Variants in CFTR observed in about 807,000 individuals in gnomAD.
CFTR encodes the protein cystic fibrosis transmembrane conductance regulator.
CFTR carries 181 observed loss-of-function variants against 171.6 expected under a neutral mutation model. The ratio of observed to expected loss-of-function variants is 1.05; its 90% confidence interval spans 0.93 to 1.19. The LOEUF (loss-of-function observed/expected upper bound fraction) is 1.19. CFTR is among the 50% of genes most tolerant of loss of function. The pLI is 0.00. For synonymous variants in CFTR, 583 were observed against 608.0 expected (o/e 0.96, Z 0.60); for missense variants, 1,968 against 1,734.7 (o/e 1.13, Z -2.39).
At position 117,519,030 on chromosome 7, in the gene CFTR, T is replaced by A. The variant is rs1798645699; in HGVS notation, c.273+9888T>A. 3.9e-5 allele frequency among the ~76,000 whole-genome samples: 6 copies of A among 152,118 alleles called. No individual in the cohort carries two copies. The South Asian group carries it at 1.0e-3, about 26-fold the overall frequency. On this transcript the variant is annotated intron_variant, in intron 3 of 26. Coordinates refer to ENST00000003084, the MANE Select transcript of CFTR (RefSeq NM_000492.4). The stretch of plus-strand genomic sequence containing the variant: ...TCTTATAAAATATGAAGAATATAGC[T>A]TAGATTTCTAGTGAAGATGTTACCA...
Position 117,548,606 on chromosome 7 carries a change from A to ATG in CFTR, c.1210-13_1210-12dup, listed in dbSNP as rs3832534. The ATG allele has an allele frequency of 0.12, 183,630 of 1,511,108 alleles. 4,168 individuals carry two copies. Among genetic ancestry groups the ATG allele is most frequent in the East Asian group, 0.4 (16,478 of 41,540 alleles). 93.6% of individuals were successfully genotyped at this position (1,511,108 alleles called of 1,614,324 possible). ...CTGACAAACTCATCTTTTATTTTTGATGTGTGTGTGTGTGTGTGTGTGTTT... is the reference window on the plus strand; with the variant it reads ...CTGACAAACTCATCTTTTATTTTTGATGTGTGTGTGTGTGTGTGTGTGTGTTT... On this transcript the variant is annotated intron_variant, in intron 9 of 26. Coordinates refer to ENST00000003084, the MANE Select transcript of CFTR (RefSeq NM_000492.4).
chr7:117,650,365 C>G (rs1383394777), intron 23 of CFTR, among the ~76,000 whole-genome samples: 2 of 151,964 alleles, frequency 1.3e-5, no homozygotes, highest in Middle Eastern at 3.2e-3. Context: ...AATGAAGGTA[C>G]CATACACTGA....
intron 23 of CFTR, among the ~76,000 whole-genome samples, chr7:117,644,609 C>T (rs532317066): frequency 1.3e-5 from 2 of 152,088 alleles, no homozygotes; most frequent in Non-Finnish European, 2.9e-5. Flanking sequence ...GAACTTTGAA[C>T]AAGAAATTTC....
intron 12 of CFTR, among the ~76,000 whole-genome samples, chr7:117,588,883 A>G (rs754611335): frequency 1.4e-4 from 21 of 152,126 alleles, no homozygotes; most frequent in Non-Finnish European, 1.9e-4. Context: ...AATACACTGT[A>G]AGGCAATAAA....
intron 5 of CFTR, among the ~76,000 whole-genome samples, chr7:117,534,889 G>A (rs765566408): frequency 6.6e-6 from 1 of 152,166 alleles, no homozygotes; most frequent in Admixed American, 6.5e-5. Flanking sequence ...TCCCTGGAGA[G>A]AGTTCTTTGT....
intron 12 of CFTR, 67 bp from the exon 13 acceptor site, chr7:117,590,286 A>G (rs1792005166): frequency 2.6e-6 from 4 of 1,566,158 alleles, no homozygotes; most frequent in Non-Finnish European, 3.5e-6. Flanking sequence ...TGTTTAAGGC[A>G]AATCATCTAC....
intron 3 of CFTR, among the ~76,000 whole-genome samples, chr7:117,522,109 C>T (rs1798693927): frequency 6.6e-6 from 1 of 152,086 alleles, no homozygotes; most frequent in Non-Finnish European, 1.5e-5. Context: ...AAAATTGTTC[C>T]CACCAGGAAT....
chr7:117,494,807 G>A (rs949542019), intron 1 of CFTR, among the ~76,000 whole-genome samples: 9 of 152,132 alleles, frequency 5.9e-5, no homozygotes, highest in Non-Finnish European at 1.0e-4. Context: ...TATCACTCAT[G>A]TGATTTCTAT....
chr7:117,610,722 T>C (rs751381540), intron 19 of CFTR, 53 bp downstream of exon 19: 389 of 1,586,952 alleles, frequency 2.5e-4, no homozygotes, highest in Non-Finnish European at 3.2e-4. Flanking sequence ...TAAGAGCTAT[T>C]TGAGATTCTT....
chr7:117,576,933 G>C (rs1791778370), intron 11 of CFTR, among the ~76,000 whole-genome samples: 1 of 152,098 alleles, frequency 6.6e-6, no homozygotes, highest in Non-Finnish European at 1.5e-5. Flanking sequence ...GGCTCCCAAA[G>C]CATAGAGCAA....
intron 1 of CFTR, 40 bp downstream of exon 1, chr7:117,480,187 C>G: frequency 6.2e-7 from 1 of 1,602,178 alleles, no homozygotes; most frequent in Non-Finnish European, 8.6e-7. Context: ...AGACACGTGC[C>G]CACGAAAGAG....
intron 1 of CFTR, among the ~76,000 whole-genome samples, chr7:117,487,304 G>A (rs1798090492): frequency 6.6e-6 from 1 of 152,162 alleles, no homozygotes; most frequent in Non-Finnish European, 1.5e-5. Context: ...AGTGTGACCT[G>A]AGAGTGTTAG....
intron 10 of CFTR, among the ~76,000 whole-genome samples, chr7:117,557,610 T>A (rs1799381386): frequency 1.3e-5 from 2 of 152,246 alleles, no homozygotes; most frequent in Admixed American, 1.3e-4. Flanking sequence ...TCTAGCATTA[T>A]AAAGAGCCTT....
chr7:117,482,326 A>C (rs1798010644), intron 1 of CFTR, among the ~76,000 whole-genome samples: 2 of 152,182 alleles, frequency 1.3e-5, no homozygotes, highest in African/African-American at 4.8e-5. Context: ...TATAGATTGT[A>C]TTGAATATCT....
intron 1 of CFTR, among the ~76,000 whole-genome samples, chr7:117,481,762 T>A (rs1798004134): frequency 6.6e-6 from 1 of 152,256 alleles, no homozygotes; most frequent in Non-Finnish European, 1.5e-5. Context: ...CCTTCTGGCC[T>A]TCTGGACTGC....
chr7:117,498,062 A>T (rs1798267026), intron 1 of CFTR, among the ~76,000 whole-genome samples: 1 of 152,152 alleles, frequency 6.6e-6, no homozygotes. Flanking sequence ...TTCATTAGGT[A>T]CGAAGTTAGC....
intron 22 of CFTR, among the ~76,000 whole-genome samples, chr7:117,637,253 G>A (rs562901426): frequency 7.0e-6 from 1 of 141,886 alleles, no homozygotes; most frequent in East Asian, 2.0e-4. Context: ...AGTAAGCCTT[G>A]TAATTTTTTA....
chr7:117,607,452 G>C (rs1447885825), intron 18 of CFTR, among the ~76,000 whole-genome samples: 1 of 152,108 alleles, frequency 6.6e-6, no homozygotes, highest in Admixed American at 6.6e-5. Context: ...CTCCATAAGT[G>C]ACAGGATTTA....
Position 117,611,703 on chromosome 7 carries a change from A to C in CFTR, c.3262A>C (p.Asn1088His). The stretch of plus-strand genomic sequence containing the variant: ...CAAAGCTCTGAATTTACATACTGCC[A>C]ACTGGTTCTTGTACCTGTCAACACT... ...FHKALNLHTA[N>H]WFLYLSTLRW... is the part of the protein sequence containing the mutation. The change falls in exon 20 of 27, where the codon AAC becomes CAC. Residue 1088 changes from asparagine (N) to histidine (H), a missense_variant. Transcript: ENST00000003084. 1 of 1,613,632 alleles carries C rather than the reference A, an allele frequency of 6.2e-7. No individual in the cohort carries two copies. The highest frequency in any genetic ancestry group is 8.5e-7 in the Non-Finnish European group (1 of 1,179,752).
Sources: gnomAD v4.1 joint callset for allele counts (sites outside exome capture counted in the v4.1 genomes callset) on GRCh38, gnomAD v4.1.1 for gene constraint, MANE v1.5 for transcripts, NCBI Gene and HGNC (gene_info 2026-07-23, HGNC 2026-07-21) for gene names.